Variants in UXS1 observed in about 807,000 individuals in gnomAD.
The protein encoded by UXS1 is UDP-glucuronate decarboxylase 1, also known as UDP-glucuronic acid decarboxylase 1.
Under a neutral mutation model 62.6 loss-of-function variants are expected in UXS1, and 33 were observed. The observed-to-expected ratio is 0.53, with a 90% CI of 0.40 to 0.70. The LOEUF (loss-of-function observed/expected upper bound fraction) is 0.70. Ranked by LOEUF, UXS1 falls within the 30% of genes least tolerant of loss-of-function variation. The probability of loss-of-function intolerance (pLI) is 0.00; values close to 1 mark genes in which losing one functional copy is unlikely to be tolerated. For missense variants in UXS1, 434 were observed against 556.3 expected (o/e 0.78, Z 2.21); for synonymous variants, 213 against 206.8 (o/e 1.03, Z -0.26).
chr2:106,111,904 G>A (rs1212902561), intron 10 of UXS1, among the ~76,000 whole-genome samples: 2 of 152,306 alleles, frequency 1.3e-5, no homozygotes, highest in South Asian at 4.1e-4. Context: ...AAAGCAGCCT[G>A]GGCAGACAAC....
At chr2:106,178,272 CTT>C (rs1286095402) in intron 1 of UXS1, among the ~76,000 whole-genome samples, 1 of 152,214 alleles carries the variant, frequency 6.6e-6, no homozygotes, top group African/African-American at 2.4e-5. Context: ...TCCAAAAAGT[CTT>C]TGTCCTTTTC....
Position 106,194,283 on chromosome 2 carries a change from C to A in UXS1, c.-42G>T, listed in dbSNP as rs1361781653. ...GGTCCAGGGCCCTACCGCGCGGGGG[C>A]CCGCCTGCTGCACAATGCGCGGCGG... On this transcript the variant is annotated 5_prime_UTR_variant, in exon 1 of 15. Transcript: ENST00000283148. 22 of 1,193,974 alleles carry A rather than the reference C, an allele frequency of 1.8e-5. No homozygotes were observed. In the East Asian group the frequency reaches 8.1e-4, roughly 44 times the overall value. The allele number at this position is 1,193,974 out of a possible 1,614,324, so 74.0% of individuals were successfully genotyped here.
At chr2:106,118,111 G>A (rs1022520294) in intron 9 of UXS1, among the ~76,000 whole-genome samples, 3 of 152,206 alleles carry the variant, frequency 2.0e-5, no homozygotes, top group African/African-American at 7.2e-5. Flanking sequence ...GGCACCCAGT[G>A]AGTCACAGGG....
At position 106,158,065 on chromosome 2, in the gene UXS1, C is replaced by T. The variant is rs868416803; in HGVS notation, c.284G>A (p.Arg95Lys). The T allele has an allele frequency of 6.4e-7, 1 of 1,564,636 alleles. No individual in the cohort carries two copies. Among genetic ancestry groups the T allele is most frequent in the South Asian group, 1.2e-5 (1 of 84,874 alleles). Residue 95 changes from arginine to lysine, a missense_variant, in exon 5 of 15, where the codon AGA (arginine) becomes AAA (lysine). Arg to Lys is a conservative substitution (Grantham distance 26). Around this residue, in one of 3 missense-constraint regions of UXS1, gnomAD observed 134 missense variants for 251.9 expected, o/e 0.53. Transcript: ENST00000283148. Reference sequence around the variant, plus strand: ...TCAGGTGTGCAAACTTACCAAAATTCTTTTCCGATCCTTTTCTGATAAAAA... The same window carrying T: ...TCAGGTGTGCAAACTTACCAAAATTTTTTTCCGATCCTTTTCTGATAAAAA... ...VKFLSEKDRK[R>K]ILITGGAGFV...
intron 4 of UXS1, chr2:106,160,748 T>C (rs1170766446): frequency 6.6e-6 from 1 of 152,236 alleles, no homozygotes; most frequent in Non-Finnish European, 1.5e-5. Context: ...AAGGCATGGT[T>C]GCCCGACATA....
intron 4 of UXS1, among the ~76,000 whole-genome samples, chr2:106,162,896 A>G (rs371648517): frequency 1.3e-5 from 2 of 152,328 alleles, no homozygotes; most frequent in African/African-American, 4.8e-5. Context: ...TTTGTTCTGG[A>G]CTTGATAAAA....
intron 5 of UXS1, among the ~76,000 whole-genome samples, chr2:106,156,245 C>T (rs1398524504): frequency 6.6e-6 from 1 of 152,028 alleles, no homozygotes; most frequent in East Asian, 1.9e-4. Flanking sequence ...AGAAATTTCT[C>T]CAAAGAAGAT....
chr2:106,117,894 G>A (rs1369519138), intron 9 of UXS1, among the ~76,000 whole-genome samples: 1 of 152,270 alleles, frequency 6.6e-6, no homozygotes, highest in Non-Finnish European at 1.5e-5. Flanking sequence ...TCTCAAAGGT[G>A]CTAAAAGGTT....
At chr2:106,175,256 A>ATGC (rs376110730) in intron 1 of UXS1, among the ~76,000 whole-genome samples, 1,710 of 152,332 alleles carry the variant, frequency 0.011, 14 homozygotes, top group Middle Eastern at 0.031. Flanking sequence ...AAGTTCCAGA[A>ATGC]TGCTGCTGCT....
chr2:106,166,104 G>A (rs1348673777), intron 1 of UXS1, 21 bp from the exon 2 acceptor site: 2 of 1,608,438 alleles, frequency 1.2e-6, no homozygotes, highest in African/African-American at 1.3e-5. Context: ...AAGAAAAAAG[G>A]AAGTCAATGT....
intron 12 of UXS1, 48 bp downstream of exon 12, chr2:106,101,010 A>T: frequency 6.2e-7 from 1 of 1,610,726 alleles, no homozygotes; most frequent in Non-Finnish European, 8.5e-7. Context: ...TTCACAAATG[A>T]ACGAAAGTCT....
At chr2:106,124,613 G>A (rs1227914256) in intron 8 of UXS1, among the ~76,000 whole-genome samples, 1 of 152,208 alleles carries the variant, frequency 6.6e-6, no homozygotes, top group African/African-American at 2.4e-5. Flanking sequence ...ACAGGCTCCT[G>A]TCAGACATGC....
intron 5 of UXS1, among the ~76,000 whole-genome samples, chr2:106,157,010 T>C (rs1422137986): frequency 6.6e-6 from 1 of 152,190 alleles, no homozygotes; most frequent in Middle Eastern, 3.2e-3. Context: ...AAATGTTGCA[T>C]TATCCCACCT....
intron 1 of UXS1, among the ~76,000 whole-genome samples, chr2:106,187,895 C>G (rs1684673781): frequency 6.6e-6 from 1 of 152,094 alleles, no homozygotes; most frequent in African/African-American, 2.4e-5. Context: ...CGCCCGCCAC[C>G]ATGCCCAGCT....
intron 6 of UXS1, among the ~76,000 whole-genome samples, chr2:106,144,983 G>A (rs544176625): frequency 6.6e-6 from 1 of 152,270 alleles, no homozygotes; most frequent in South Asian, 2.1e-4. Context: ...GTGCCACGTA[G>A]GAGAGAAGAC....
intron 4 of UXS1, among the ~76,000 whole-genome samples, chr2:106,158,871 G>GT (rs1682669246): frequency 6.6e-6 from 1 of 152,170 alleles, no homozygotes; most frequent in Non-Finnish European, 1.5e-5. Context: ...GGTATTTGAG[G>GT]TATCTTTCAG....
At chr2:106,105,150 G>T (rs1206368465) in intron 10 of UXS1, among the ~76,000 whole-genome samples, 2 of 151,772 alleles carry the variant, frequency 1.3e-5, no homozygotes, top group East Asian at 1.9e-4. Flanking sequence ...GCTCTGGGGG[G>T]CTGTGACCTC....
chr2:106,107,807 C>T (rs1382807149), intron 10 of UXS1, among the ~76,000 whole-genome samples: 4 of 152,240 alleles, frequency 2.6e-5, no homozygotes, highest in Non-Finnish European at 5.9e-5. Context: ...AGCACCGACA[C>T]AAGGTTCATC....
chr2:106,153,034 A>C (rs1318749319), intron 5 of UXS1, among the ~76,000 whole-genome samples: 2 of 152,212 alleles, frequency 1.3e-5, no homozygotes, highest in Non-Finnish European at 2.9e-5. Flanking sequence ...TTTGAAAGAG[A>C]AAGTCAAATA....
Sources: gnomAD v4.1 joint callset for allele counts (sites outside exome capture counted in the v4.1 genomes callset) on GRCh38, gnomAD v4.1.1 for gene constraint, gnomAD v4.1.1 regional missense constraint, MANE v1.5 for transcripts, NCBI Gene and HGNC (gene_info 2026-07-23, HGNC 2026-07-21) for gene names.